Variants in MAGI2 observed in about 807,000 individuals in gnomAD.
The protein encoded by MAGI2 is membrane-associated guanylate kinase, WW and PDZ domain-containing protein 2.
MAGI2 carries 35 observed loss-of-function variants against 133.3 expected under a neutral mutation model. The ratio of observed to expected loss-of-function variants is 0.26; its 90% CI spans 0.20 to 0.35. The LOEUF (loss-of-function observed/expected upper bound fraction) is 0.35. MAGI2 is among the 10% of genes least tolerant of loss of function. The pLI, the probability that MAGI2 is intolerant of heterozygous loss-of-function variation, is 1.00. For synonymous variants in MAGI2, 729 were observed against 710.6 expected, an observed-to-expected ratio of 1.03 and a Z score of -0.41; for missense variants, 1,636 against 1,863.4, an observed-to-expected ratio of 0.88 and a Z score of 2.25.
chr7:79,419,511 G>T (rs1191855360), intron 1 of MAGI2, among the ~76,000 whole-genome samples: 1 of 151,956 alleles, frequency 6.6e-6, no homozygotes, highest in Non-Finnish European at 1.5e-5. Context: ...TGAGAATGTG[G>T]TAACTTTAGC....
chr7:78,162,524 C>CAAAAAAA (rs773765110), intron 15 of MAGI2, among the ~76,000 whole-genome samples: 5 of 54,746 alleles, frequency 9.1e-5, no homozygotes, highest in African/African-American at 2.3e-4. Flanking sequence ...GACTCTGCCT[C>CAAAAAAA]AAAAAAAAAA....
chr7:78,207,183 C>T (rs948305005), intron 10 of MAGI2, among the ~76,000 whole-genome samples: 1 of 151,954 alleles, frequency 6.6e-6, no homozygotes, highest in Non-Finnish European at 1.5e-5. Flanking sequence ...TGCTGGAAGA[C>T]AGGAAACTCA....
intron 3 of MAGI2, among the ~76,000 whole-genome samples, chr7:78,556,310 A>G (rs1048405467): frequency 3.3e-5 from 5 of 152,324 alleles, no homozygotes; most frequent in African/African-American, 1.2e-4. Context: ...GCCCAGGGCC[A>G]TGTGCACTTT....
chr7:79,151,554 A>G (rs539418386), intron 1 of MAGI2, among the ~76,000 whole-genome samples: 1 of 152,252 alleles, frequency 6.6e-6, no homozygotes, highest in South Asian at 2.1e-4. Flanking sequence ...TTAGGTCCTG[A>G]TATCAAGTAT....
chr7:78,173,050 G>A (rs563556992), intron 14 of MAGI2, among the ~76,000 whole-genome samples: 11 of 152,264 alleles, frequency 7.2e-5, no homozygotes, highest in East Asian at 3.9e-4. Flanking sequence ...GGAATAAACC[G>A]GAATAAATCT....
intron 3 of MAGI2, among the ~76,000 whole-genome samples, chr7:78,525,318 C>T (rs892587145): frequency 3.9e-5 from 6 of 152,034 alleles, no homozygotes; most frequent in Non-Finnish European, 7.4e-5. Context: ...CCTAAGCCAA[C>T]GTTTTTATCT....
intron 1 of MAGI2, among the ~76,000 whole-genome samples, chr7:79,170,326 C>T (rs1825404718): frequency 6.6e-6 from 1 of 151,194 alleles, no homozygotes; most frequent in Non-Finnish European, 1.5e-5. Flanking sequence ...GCATGTGCCA[C>T]CATTCCTGGC....
At chr7:79,087,754 T>C (rs1406128516) in intron 1 of MAGI2, among the ~76,000 whole-genome samples, 1 of 152,104 alleles carries the variant, frequency 6.6e-6, no homozygotes, top group Non-Finnish European at 1.5e-5. Flanking sequence ...AAATAGGGAA[T>C]CCTTTCCCCA....
intron 1 of MAGI2, among the ~76,000 whole-genome samples, chr7:79,371,611 A>G (rs1843056568): frequency 6.6e-6 from 1 of 152,176 alleles, no homozygotes; most frequent in African/African-American, 2.4e-5. Flanking sequence ...AGGCTATGTC[A>G]TATATAATAG....
At chr7:78,175,290 G>T (rs1221538663) in intron 14 of MAGI2, among the ~76,000 whole-genome samples, 1 of 152,158 alleles carries the variant, frequency 6.6e-6, no homozygotes. Context: ...CCTGTGTTTT[G>T]TTCCAGTCCC....
intron 13 of MAGI2, among the ~76,000 whole-genome samples, chr7:78,185,080 T>C (rs781146607): frequency 2.0e-5 from 3 of 152,244 alleles, no homozygotes; most frequent in Non-Finnish European, 4.4e-5. Context: ...CATTTTCTAG[T>C]AGCCACATTT....
At chr7:79,333,197 C>T (rs1840209678) in intron 1 of MAGI2, among the ~76,000 whole-genome samples, 1 of 152,178 alleles carries the variant, frequency 6.6e-6, no homozygotes, top group Non-Finnish European at 1.5e-5. Flanking sequence ...AATCTTGGCT[C>T]ACTGCAACCT....
chr7:79,415,077 G>C (rs1846407186), intron 1 of MAGI2: 1 of 152,088 alleles, frequency 6.6e-6, no homozygotes, highest in South Asian at 2.1e-4. Context: ...CAGATGTGGA[G>C]AACAATAGTA....
intron 1 of MAGI2, among the ~76,000 whole-genome samples, chr7:79,092,967 C>T (rs1817195391): frequency 6.6e-6 from 1 of 152,030 alleles, no homozygotes; most frequent in Non-Finnish European, 1.5e-5. Context: ...CTTCAAGTTA[C>T]ATAGAAATAA....
chr7:78,922,940 C>T (rs1799377656), intron 2 of MAGI2, among the ~76,000 whole-genome samples: 1 of 151,894 alleles, frequency 6.6e-6, no homozygotes, highest in Non-Finnish European at 1.5e-5. Context: ...TCTCTGATGG[C>T]CAGTGATGAT....
At chr7:79,170,529 C>A (rs1340869704) in intron 1 of MAGI2, among the ~76,000 whole-genome samples, 1 of 152,006 alleles carries the variant, frequency 6.6e-6, no homozygotes, top group African/African-American at 2.4e-5. Flanking sequence ...TTTATAGAGA[C>A]TATTGTTAAA....
intron 9 of MAGI2, among the ~76,000 whole-genome samples, chr7:78,298,274 G>A (rs1193214168): frequency 6.6e-6 from 1 of 152,148 alleles, no homozygotes; most frequent in African/African-American, 2.4e-5. Flanking sequence ...AACGAGACAT[G>A]ACAACTAAAT....
chr7:79,394,322 A>G (rs1844888628), intron 1 of MAGI2, among the ~76,000 whole-genome samples: 2 of 152,164 alleles, frequency 1.3e-5, no homozygotes, highest in Non-Finnish European at 2.9e-5. Context: ...TATTTGTTGC[A>G]CCTGTAAAGA....
intron 15 of MAGI2, among the ~76,000 whole-genome samples, chr7:78,165,297 C>A (rs184967784): frequency 4.5e-4 from 69 of 152,170 alleles, no homozygotes. Context: ...TGCACTCCAG[C>A]TTGGGTGACA....
Sources: allele counts gnomAD v4.1 joint callset (sites outside exome capture counted in the v4.1 genomes callset), GRCh38; gene constraint gnomAD v4.1.1; transcripts MANE v1.5; gene names NCBI Gene and HGNC (gene_info 2026-07-23, HGNC 2026-07-21).